Variants in PAX2 observed in about 807,000 individuals in gnomAD.
PAX2 encodes paired box protein Pax-2.
In PAX2, 9 loss-of-function variants were observed where a neutral mutation model predicts 41.7. That is an observed-to-expected ratio of 0.22 (90% CI 0.13 to 0.38). PAX2 has a LOEUF of 0.38. PAX2 is among the 10% of genes least tolerant of loss of function. The probability of loss-of-function intolerance (pLI) is 1.00; values close to 1 mark genes in which losing one functional copy is unlikely to be tolerated. For missense variants in PAX2, 418 were observed against 531.6 expected (o/e 0.79, Z 2.10); for synonymous variants, 221 against 212.7 (o/e 1.04, Z -0.34).
chr10:100,796,137 G>A (rs1847325836), intron 5 of PAX2, among the ~76,000 whole-genome samples: 1 of 152,110 alleles, frequency 6.6e-6, no homozygotes, highest in South Asian at 2.1e-4. Flanking sequence ...GATCCTAAGT[G>A]CAATACATGC....
intron 1 of PAX2, chr10:100,749,385 G>T: frequency 1.8e-6 from 2 of 1,089,440 alleles, no homozygotes; most frequent in Non-Finnish European, 2.2e-6. Context: ...CCTCTGCCAG[G>T]CCCTTCCTCT....
At chr10:100,772,103 C>A (rs1042954367) in intron 3 of PAX2, among the ~76,000 whole-genome samples, 5 of 151,904 alleles carry the variant, frequency 3.3e-5, no homozygotes, top group Non-Finnish European at 5.9e-5. Context: ...CTGTGCCCGG[C>A]CACAAATATC....
At chr10:100,799,787 T>A (rs1847475797) in intron 5 of PAX2, among the ~76,000 whole-genome samples, 1 of 125,374 alleles carries the variant, frequency 8.0e-6, no homozygotes. Context: ...GTTAGTGTAA[T>A]TCTTTTTTTT....
intron 5 of PAX2, among the ~76,000 whole-genome samples, chr10:100,793,475 C>T (rs1008639609): frequency 2.6e-5 from 4 of 152,250 alleles, no homozygotes; most frequent in Non-Finnish European, 4.4e-5. Flanking sequence ...ATACATGGAT[C>T]GCACACATCT....
intron 3 of PAX2, among the ~76,000 whole-genome samples, chr10:100,763,819 G>A (rs1166996884): frequency 2.0e-5 from 3 of 152,196 alleles, no homozygotes; most frequent in Non-Finnish European, 1.5e-5. Context: ...GCAGGCTCTG[G>A]GGAGAAACTG....
chr10:100,783,340 G>A (rs1846708822), intron 5 of PAX2, among the ~76,000 whole-genome samples: 1 of 152,226 alleles, frequency 6.6e-6, no homozygotes, highest in Admixed American at 6.5e-5. Flanking sequence ...GAGCAGATAG[G>A]CCCATCAGAT....
At chr10:100,784,520 A>C (rs1846770110) in intron 5 of PAX2, among the ~76,000 whole-genome samples, 2 of 152,156 alleles carry the variant, frequency 1.3e-5, no homozygotes, top group African/African-American at 4.8e-5. Context: ...GCAAGCTGTG[A>C]ATCTCTTTGT....
chr10:100,772,200 A>T (rs897463090), intron 3 of PAX2, among the ~76,000 whole-genome samples: 3 of 152,116 alleles, frequency 2.0e-5, no homozygotes, highest in African/African-American at 7.2e-5. Context: ...GCTCACTGCA[A>T]CCTCCACCGA....
At chr10:100,822,418 T>A (rs1015351410) in intron 7 of PAX2, among the ~76,000 whole-genome samples, 35 of 152,224 alleles carry the variant, frequency 2.3e-4, no homozygotes, top group African/African-American at 8.2e-4. Context: ...ATAAAAAAAA[T>A]GATAACCCAT....
At chr10:100,815,742 G>T (rs538076306) in intron 7 of PAX2, among the ~76,000 whole-genome samples, 1 of 152,340 alleles carries the variant, frequency 6.6e-6, no homozygotes, top group East Asian at 1.9e-4. Context: ...CTAATCCACT[G>T]TCGGGATCAG....
At chr10:100,802,046 T>C (rs931972991) in intron 5 of PAX2, among the ~76,000 whole-genome samples, 1 of 152,214 alleles carries the variant, frequency 6.6e-6, no homozygotes, top group African/African-American at 2.4e-5. Context: ...TGCTACAGAA[T>C]GGGAGCTGGG....
chr10:100,735,718 C>T, exon 1 of PAX2: 5 of 1,048,622 alleles, frequency 4.8e-6, no homozygotes, highest in Non-Finnish European at 5.8e-6. Flanking sequence ...CATGGAAGAG[C>T]GCGCGGGTCC....
intron 5 of PAX2, among the ~76,000 whole-genome samples, chr10:100,789,076 G>A (rs1846995651): frequency 6.6e-6 from 1 of 152,130 alleles, no homozygotes; most frequent in Non-Finnish European, 1.5e-5. Flanking sequence ...ATTTATGTTG[G>A]TAGGGGGCAG....
chr10:100,747,901 G>C, intron 1 of PAX2: 1 of 984,470 alleles, frequency 1.0e-6, no homozygotes, highest in Non-Finnish European at 1.2e-6. Context: ...GATTCCGCCG[G>C]GGGTCCGCCG....
upstream of PAX2, among the ~76,000 whole-genome samples, chr10:100,743,264 A>C (rs536918333): frequency 6.6e-5 from 10 of 152,298 alleles, no homozygotes; most frequent in South Asian, 2.1e-3. Context: ...GTGTGAGGAC[A>C]ACTTCCAGCA....
At chr10:100,781,402 A>C in intron 5 of PAX2, 37 bp downstream of exon 5, 1 of 1,611,800 alleles carries the variant, frequency 6.2e-7, no homozygotes, top group Non-Finnish European at 8.5e-7. Context: ...TCCCCTTCAC[A>C]TGCTTTGTCC....
At chr10:100,764,175 G>A (rs577724827) in intron 3 of PAX2, among the ~76,000 whole-genome samples, 130 of 122,738 alleles carry the variant, frequency 1.1e-3, no homozygotes, top group Admixed American at 2.9e-3. Flanking sequence ...AAAGAGTCTC[G>A]CTCTGTCGCC....
upstream of PAX2, among the ~76,000 whole-genome samples, chr10:100,741,988 G>A (rs1470609542): frequency 1.3e-5 from 2 of 152,196 alleles, no homozygotes; most frequent in Non-Finnish European, 2.9e-5. Flanking sequence ...CCGGCCACGG[G>A]GGAGGGGCGC....
At chr10:100,804,732 C>T (rs572298697) in intron 5 of PAX2, among the ~76,000 whole-genome samples, 4 of 152,170 alleles carry the variant, frequency 2.6e-5, no homozygotes, top group Non-Finnish European at 4.4e-5. Context: ...TGTACAAGCG[C>T]GTAGACACGC....
Sources: allele counts gnomAD v4.1 joint callset (sites outside exome capture counted in the v4.1 genomes callset), GRCh38; gene constraint gnomAD v4.1.1; transcripts MANE v1.5; gene names NCBI Gene and HGNC (gene_info 2026-07-23, HGNC 2026-07-21).